DLGAP2: variants seen among roughly 807,000 people sequenced by gnomAD.
DLGAP2 encodes disks large-associated protein 2.
A neutral mutation model predicts 100.3 loss-of-function variants in DLGAP2; 26 were observed. That is an observed-to-expected ratio of 0.26 (90% confidence interval 0.19 to 0.36). DLGAP2 has a LOEUF of 0.36. Ranked by LOEUF, DLGAP2 falls within the 10% of genes least tolerant of loss-of-function variation. The pLI, the probability that DLGAP2 is intolerant of heterozygous loss-of-function variation, is 1.00. For synonymous variants in DLGAP2, 886 were observed against 630.1 expected (o/e 1.41, Z -6.08); for missense variants, 1,858 against 1,453.2 (o/e 1.28, Z -4.53).
intron 1 of DLGAP2, among the ~76,000 whole-genome samples, chr8:845,919 C>G (rs978512518): frequency 6.6e-6 from 1 of 152,144 alleles, no homozygotes; most frequent in Non-Finnish European, 1.5e-5. Context: ...AAAGACTGTT[C>G]TTTCATAATT....
chr8:1,507,539 G>C (rs1799970641), intron 4 of DLGAP2, among the ~76,000 whole-genome samples: 1 of 152,132 alleles, frequency 6.6e-6, no homozygotes, highest in Non-Finnish European at 1.5e-5. Context: ...GAGGGAGCCG[G>C]CTCCGGCCTC....
chr8:1,628,821 C>G (rs893768527), intron 7 of DLGAP2, among the ~76,000 whole-genome samples: 1 of 152,190 alleles, frequency 6.6e-6, no homozygotes, highest in African/African-American at 2.4e-5. Context: ...CTCACATTCT[C>G]TCTGACTTAC....
chr8:1,449,380 C>T (rs1374628064), intron 3 of DLGAP2, among the ~76,000 whole-genome samples: 1 of 152,212 alleles, frequency 6.6e-6, no homozygotes. Flanking sequence ...GGAATTCTCT[C>T]AGAGTTGTCT....
intron 3 of DLGAP2, among the ~76,000 whole-genome samples, chr8:1,452,396 G>A (rs575375476): frequency 1.3e-5 from 2 of 152,234 alleles, no homozygotes; most frequent in South Asian, 2.1e-4. Flanking sequence ...CTATGCGTGC[G>A]ACAGGTTCAT....
chr8:937,668 A>G (rs550888967), intron 2 of DLGAP2, among the ~76,000 whole-genome samples: 9 of 152,278 alleles, frequency 5.9e-5, no homozygotes, highest in African/African-American at 2.2e-4. Context: ...ATCTTGCCCA[A>G]CTGCCTCGCT....
At chr8:1,426,956 TA>T (rs1797254375) in intron 3 of DLGAP2, among the ~76,000 whole-genome samples, 1 of 152,086 alleles carries the variant, frequency 6.6e-6, no homozygotes, top group African/African-American at 2.4e-5. Context: ...GAGAGATCAA[TA>T]AAAAATATTG....
chr8:1,479,995 A>G (rs59768332), intron 3 of DLGAP2, among the ~76,000 whole-genome samples: 5,647 of 152,276 alleles, frequency 0.037, 375 homozygotes, highest in African/African-American at 0.13. Context: ...AATGTTTTAC[A>G]TAGATTAGTC....
At chr8:1,022,682 C>T (rs1320570154) in intron 2 of DLGAP2, among the ~76,000 whole-genome samples, 1 of 151,562 alleles carries the variant, frequency 6.6e-6, no homozygotes, top group Non-Finnish European at 1.5e-5. Flanking sequence ...GAGGTAGACG[C>T]TCCAAACAGC....
chr8:1,007,247 ACG>A, intron 2 of DLGAP2, among the ~76,000 whole-genome samples: 1 of 152,042 alleles, frequency 6.6e-6, no homozygotes, highest in Non-Finnish European at 1.5e-5. Context: ...CACACTCTTC[ACG>A]TGTCTGCACG....
chr8:1,074,770 C>A (rs911450364), intron 2 of DLGAP2, among the ~76,000 whole-genome samples: 1 of 152,194 alleles, frequency 6.6e-6, no homozygotes, highest in African/African-American at 2.4e-5. Context: ...TAGAAGTCAT[C>A]TGGTGTATCG....
At chr8:1,147,495 C>T (rs1178148176) in intron 2 of DLGAP2, among the ~76,000 whole-genome samples, 1 of 150,556 alleles carries the variant, frequency 6.6e-6, no homozygotes, top group African/African-American at 2.4e-5. Context: ...TTTCATTTAA[C>T]GTTTTTCTCA....
At chr8:1,101,179 T>C (rs1804566571) in intron 2 of DLGAP2, among the ~76,000 whole-genome samples, 1 of 152,138 alleles carries the variant, frequency 6.6e-6, no homozygotes, top group Non-Finnish European at 1.5e-5. Context: ...ATAAAATCTG[T>C]CTCTGAGTGT....
At chr8:1,082,602 C>T (rs977345057) in intron 2 of DLGAP2, among the ~76,000 whole-genome samples, 14 of 152,324 alleles carry the variant, frequency 9.2e-5, no homozygotes, top group Non-Finnish European at 1.2e-4. Context: ...GGTGGCTCCA[C>T]GCTGTGTCAA....
At chr8:1,020,435 G>T (rs887566011) in intron 2 of DLGAP2, among the ~76,000 whole-genome samples, 1 of 152,182 alleles carries the variant, frequency 6.6e-6, no homozygotes, top group South Asian at 2.1e-4. Flanking sequence ...AAGGGCTGAG[G>T]CATTATAGCT....
At chr8:1,414,836 C>G (rs1166936135) in intron 3 of DLGAP2, among the ~76,000 whole-genome samples, 2 of 152,122 alleles carry the variant, frequency 1.3e-5, no homozygotes, top group Non-Finnish European at 2.9e-5. Flanking sequence ...TGGCAAAACC[C>G]CATGTCTACT....
At chr8:877,831 A>C (rs1344954706) in intron 1 of DLGAP2, among the ~76,000 whole-genome samples, 1 of 152,168 alleles carries the variant, frequency 6.6e-6, no homozygotes, top group East Asian at 1.9e-4. Flanking sequence ...CACGGCTCTG[A>C]ATGCTAGCGA....
chr8:1,031,902 G>T (rs932331477), intron 2 of DLGAP2, among the ~76,000 whole-genome samples: 8 of 152,300 alleles, frequency 5.3e-5, no homozygotes, highest in Middle Eastern at 6.8e-3. Flanking sequence ...TGCTACGCTG[G>T]TCTCTCAGAT....
intron 6 of DLGAP2, among the ~76,000 whole-genome samples, chr8:1,569,468 T>G (rs1802565390): frequency 6.6e-6 from 1 of 150,874 alleles, no homozygotes; most frequent in Admixed American, 6.7e-5. Context: ...GAGTCACTCT[T>G]TGGGGGTTAA....
chr8:1,436,134 CA>C (rs1280362642), intron 3 of DLGAP2, among the ~76,000 whole-genome samples: 9 of 152,120 alleles, frequency 5.9e-5, no homozygotes, highest in Non-Finnish European at 1.2e-4. Flanking sequence ...CTCACAACCA[CA>C]AGGTGAACTC....
Sources: allele counts gnomAD v4.1 joint callset (sites outside exome capture counted in the v4.1 genomes callset), GRCh38; gene constraint gnomAD v4.1.1; transcripts MANE v1.5; gene names NCBI Gene and HGNC (gene_info 2026-07-23, HGNC 2026-07-21).